GLT8D1: variants seen among roughly 807,000 people sequenced by gnomAD.
The protein encoded by GLT8D1 is glycosyltransferase 8 domain-containing protein 1.
GLT8D1 carries 41 observed loss-of-function variants against 46.2 expected under a neutral mutation model. The observed-to-expected ratio is 0.89, with a 90% confidence interval of 0.69 to 1.15. GLT8D1 has a LOEUF of 1.15. GLT8D1 is among the 50% of genes most tolerant of loss of function. The pLI is 0.00. For synonymous variants in GLT8D1, 150 were observed against 154.2 expected (o/e 0.97, Z 0.20); for missense variants, 408 against 449.3 (o/e 0.91, Z 0.83).
At chr3:52,696,692 A>G in intron 4 of GLT8D1, 33 bp from the exon 5 acceptor site, 1 of 1,162,050 alleles carries the variant, frequency 8.6e-7, no homozygotes, top group Non-Finnish European at 1.3e-6. Flanking sequence ...TTTTAGTTTC[A>G]AATAATGTCT....
chr3:52,703,532 C>T (rs528944179), intron 1 of GLT8D1: 1 of 152,166 alleles, frequency 6.6e-6, no homozygotes, highest in African/African-American at 2.4e-5. Flanking sequence ...CAGAGGGGAG[C>T]TGTTCGGACA....
chr3:52,698,780 ATT>A (rs556608140), intron 3 of GLT8D1, among the ~76,000 whole-genome samples: 5 of 145,436 alleles, frequency 3.4e-5, no homozygotes, highest in Non-Finnish European at 4.6e-5. Flanking sequence ...CTTGCCTTTC[ATT>A]TTTTTTTTTT....
In GLT8D1 at chr3:52,700,505, C is replaced by T; in HGVS notation, c.-36-9G>A. On this transcript the variant is annotated splice_polypyrimidine_tract_variant and intron_variant, in intron 1 of 9. Coordinates refer to ENST00000266014, the MANE Select transcript of GLT8D1 (RefSeq NM_018446.4). ...AATATTAGTTTTTAACCCTACAAAA[C>T]AAAAACAAGCCCCCAAAGTCAGTAA... is the stretch of plus-strand genomic sequence containing the variant. The T allele has an allele frequency of 7.3e-7, 1 of 1,361,750 alleles. No homozygotes were observed. Among genetic ancestry groups the T allele is most frequent in the African/African-American group, 1.5e-5 (1 of 68,816 alleles). The allele number at this position is 1,361,750 out of a possible 1,614,324, so 84.4% of individuals were successfully genotyped here.
At chr3:52,697,103 A>C (rs186879252) in intron 4 of GLT8D1, among the ~76,000 whole-genome samples, 5 of 152,334 alleles carry the variant, frequency 3.3e-5, no homozygotes, top group African/African-American at 1.2e-4. Flanking sequence ...TCTGTATTTT[A>C]AATGCGTTCA....
chr3:52,697,201 G>A (rs1273836385), intron 4 of GLT8D1, among the ~76,000 whole-genome samples: 2 of 152,192 alleles, frequency 1.3e-5, no homozygotes, highest in African/African-American at 4.8e-5. Context: ...TGGTTAATTT[G>A]TTAGACCAAC....
chr3:52,698,404 G>A (rs1156643371), intron 3 of GLT8D1, among the ~76,000 whole-genome samples: 2 of 152,104 alleles, frequency 1.3e-5, no homozygotes, highest in Non-Finnish European at 2.9e-5. Flanking sequence ...AATAGAGGCC[G>A]GGCATGGTAG....
rs1167457388 is a variant in GLT8D1 at position 52,696,319 on chromosome 3, C to T, written c.448-1G>A. Reference sequence around the variant, plus strand: ...GCAAGTAGAACCTTGCAAAGGTTAACTGGAAAAGGAAAGAATAATTGGCAT... The same window carrying T: ...GCAAGTAGAACCTTGCAAAGGTTAATTGGAAAAGGAAAGAATAATTGGCAT... On this transcript the variant is annotated splice_acceptor_variant, in intron 5 of 9. Transcript: ENST00000266014. LOFTEE classifies it high-confidence loss of function. 5.6e-6 allele frequency: 9 copies of T among 1,600,754 alleles called. No individual in the cohort carries two copies. The highest frequency in any genetic ancestry group is 7.7e-6 in the Non-Finnish European group (9 of 1,167,824).
At chr3:52,703,127 ACTT>A (rs986086163) in intron 1 of GLT8D1, 11 of 150,220 alleles carry the variant, frequency 7.3e-5, no homozygotes, top group East Asian at 2.0e-4. Flanking sequence ...GTGTCAGTGA[ACTT>A]CTTCTCATAT....
In GLT8D1 at chr3:52,700,413, TA is replaced by T. The variant is rs764443274; in HGVS notation, c.16+31del. 1.6e-5 allele frequency: 26 copies of T among 1,595,484 alleles called. No individual in the cohort carries two copies. The African/African-American group carries it at 2.5e-4, about 16-fold the overall frequency. ...ATACCTCTTTATCTTTGACCAGGTATAAAAACAACTTAACTTGTAGAAAGAG... is the reference window on the plus strand; with the variant it reads ...ATACCTCTTTATCTTTGACCAGGTATAAAACAACTTAACTTGTAGAAAGAG... On this transcript the variant is annotated intron_variant, in intron 2 of 9. Coordinates refer to ENST00000266014, the MANE Select transcript of GLT8D1 (RefSeq NM_018446.4).
rs1375754826 is a variant in GLT8D1 at position 52,697,939 on chromosome 3, A to G, written c.116-5T>C. On this transcript the variant is annotated splice_region_variant and splice_polypyrimidine_tract_variant and intron_variant, in intron 3 of 9. Coordinates refer to ENST00000266014, the MANE Select transcript of GLT8D1 (RefSeq NM_018446.4). ...GAGGCCCTACAATTCCTGAATCTGA[A>G]AACACAAGGAAGGCACTGTGATTAC... 11 of 1,572,406 alleles carry G rather than the reference A, an allele frequency of 7.0e-6. No homozygotes were observed. The East Asian group carries it at 2.0e-4, about 29-fold the overall frequency.
chr3:52,704,942 C>T (rs2097342615), intron 1 of GLT8D1: 1 of 152,324 alleles, frequency 6.6e-6, no homozygotes, highest in Admixed American at 6.5e-5. Flanking sequence ...ACCGTGTCCT[C>T]GGTCTGCTGT....
chr3:52,698,231 T>C (rs563536554), intron 3 of GLT8D1, among the ~76,000 whole-genome samples: 108 of 152,348 alleles, frequency 7.1e-4, no homozygotes, highest in African/African-American at 2.4e-3. Flanking sequence ...GGACAAAATC[T>C]GAAATATAAT....
intron 1 of GLT8D1, chr3:52,704,588 C>A (rs1561270438): frequency 6.6e-6 from 1 of 152,196 alleles, no homozygotes; most frequent in Non-Finnish European, 1.5e-5. Context: ...TCTTGCCCAT[C>A]CCTCTTTCTG....
Position 52,697,777 on chromosome 3 carries a change from A to G in GLT8D1, c.273T>C (p.Thr91=). The G allele has an allele frequency of 6.2e-7, 1 of 1,614,000 alleles. No homozygotes were observed. Among genetic ancestry groups the G allele is most frequent in the Non-Finnish European group, 8.5e-7 (1 of 1,179,858 alleles). Residue 91 remains threonine (T), a synonymous_variant, in exon 4 of 10, where the codon ACT becomes ACC. Coordinates refer to ENST00000266014, the MANE Select transcript of GLT8D1 (RefSeq NM_018446.4). The stretch of plus-strand genomic sequence containing the variant: ...CAATGTAGAAAATCACATTGGAGCG[A>G]GTGTTGTGCTGAATGCTGTTTATAG... ...IAAINSIQHN[T]RSNVIFYIVT... is the part of the protein sequence containing the mutation.
intron 4 of GLT8D1, 165 bp downstream of exon 4, chr3:52,697,556 C>T: frequency 3.2e-6 from 2 of 624,230 alleles, no homozygotes; most frequent in East Asian, 5.4e-5. Context: ...TGGGGATATG[C>T]TCATAATACA....
Position 52,697,742 on chromosome 3 carries a change from T to C in GLT8D1, c.308A>G (p.Asn103Ser), listed in dbSNP as rs1460270126. 6.2e-7 allele frequency: 1 copy of C among 1,612,100 alleles called. No homozygotes were observed. Among genetic ancestry groups the C allele is most frequent in the East Asian group, 2.2e-5 (1 of 44,878 alleles). The change falls in exon 4 of 10, where the codon AAC becomes AGC. Residue 103 changes from asparagine to serine, a missense_variant. Transcript: ENST00000266014. ...SNVIFYIVTL[N>S]NTADHLRSWL... is the part of the protein sequence containing the mutation. ...TCACCGGAGATGGTCTGCTGTATTGTTGAGAGTAACAATGTAGAAAATCAC... is the reference window on the plus strand; with the variant it reads ...TCACCGGAGATGGTCTGCTGTATTGCTGAGAGTAACAATGTAGAAAATCAC...
intron 4 of GLT8D1, among the ~76,000 whole-genome samples, chr3:52,696,957 C>G (rs2097334367): frequency 2.1e-5 from 1 of 46,832 alleles, no homozygotes; most frequent in Non-Finnish European, 4.3e-5. Context: ...TTCCACCACT[C>G]AAGTCTGAGG....
intron 1 of GLT8D1, chr3:52,700,733 A>ACATT (rs1392781260): frequency 2.9e-6 from 1 of 344,192 alleles, no homozygotes; most frequent in Non-Finnish European, 5.3e-6. Context: ...TTAGCCTTGT[A>ACATT]CATTATACAT....
At position 52,694,661 on chromosome 3, in the gene GLT8D1, A is replaced by ATAGTC. The variant is rs1221041169; in HGVS notation, c.*179_*183dup. 7.9e-6 allele frequency: 5 copies of ATAGTC among 636,320 alleles called. No individual in the cohort carries two copies. The highest frequency in any genetic ancestry group is 4.9e-5 in the Admixed American group (2 of 41,028). The allele number at this position is 636,320 out of a possible 1,614,324, so 39.4% of individuals were successfully genotyped here. A position where few individuals can be genotyped will look rare whatever the true frequency, so the allele number is the denominator to read the frequency against. ...TGGTAAGGCAGATGGAGACATATTT[A>ATAGTC]TAGTCTATAGTCTGTCTGGGAAGCT... On this transcript the variant is annotated 3_prime_UTR_variant, in exon 10 of 10. Coordinates refer to ENST00000266014, the MANE Select transcript of GLT8D1 (RefSeq NM_018446.4).
Sources: allele counts gnomAD v4.1 joint callset (sites outside exome capture counted in the v4.1 genomes callset), GRCh38; gene constraint gnomAD v4.1.1; transcripts MANE v1.5; gene names NCBI Gene and HGNC (gene_info 2026-07-23, HGNC 2026-07-21).